Variants in RAPGEF6 observed in about 807,000 individuals in gnomAD.
RAPGEF6 encodes the protein Rap guanine nucleotide exchange factor 6.
RAPGEF6 carries 56 observed loss-of-function variants against 171.4 expected under a neutral mutation model. That is an observed-to-expected ratio of 0.33 (90% CI 0.26 to 0.41). The LOEUF is 0.41. Among genes scored for constraint, RAPGEF6 ranks in the 10% least tolerant of loss-of-function variants. RAPGEF6 has a pLI of 1.00. For synonymous variants in RAPGEF6, 692 were observed against 650.1 expected (o/e 1.06, Z -0.98); for missense variants, 1,674 against 1,921.4 (o/e 0.87, Z 2.41).
chr5:131,541,629 T>G (rs190149937), intron 6 of RAPGEF6, among the ~76,000 whole-genome samples: 1 of 152,088 alleles, frequency 6.6e-6, no homozygotes, highest in African/African-American at 2.4e-5. Flanking sequence ...AGTGCTAGAA[T>G]TAGGCATGAG....
chr5:131,444,346 CTCATTGA>C, intron 22 of RAPGEF6, among the ~76,000 whole-genome samples: 1 of 152,284 alleles, frequency 6.6e-6, no homozygotes, highest in East Asian at 1.9e-4. Flanking sequence ...TCATCCTTCT[CTCATTGA>C]TTGGTAAATG....
Position 131,567,908 on chromosome 5 carries a change from T to C in RAPGEF6, c.282-5861A>G, listed in dbSNP as rs184514650. 2.5e-4 allele frequency among the ~76,000 whole-genome samples: 38 copies of C among 152,360 alleles called. 1 individual carries two copies. The highest frequency in any genetic ancestry group is 2.4e-3 in the Admixed American group (37 of 15,296). On this transcript the variant is annotated intron_variant, in intron 4 of 27. Coordinates refer to ENST00000509018, the MANE Select transcript of RAPGEF6 (RefSeq NM_016340.6). ...AATATACAATAAAAATTGCTATGTA[T>C]TCCTAATGTATTAATCCTTTTAACA...
intron 15 of RAPGEF6, among the ~76,000 whole-genome samples, chr5:131,480,179 G>C (rs542579176): frequency 1.6e-4 from 25 of 152,256 alleles, no homozygotes; most frequent in African/African-American, 5.5e-4. Flanking sequence ...AACTATGTGG[G>C]TCCATTTATA....
intron 4 of RAPGEF6, among the ~76,000 whole-genome samples, chr5:131,588,706 G>A (rs1461656561): frequency 1.3e-5 from 2 of 152,004 alleles, no homozygotes; most frequent in East Asian, 3.9e-4. Flanking sequence ...CTGAGCCACC[G>A]CACTCCAGCC....
At chr5:131,469,828 A>T in intron 17 of RAPGEF6, 1 of 1,520,360 alleles carries the variant, frequency 6.6e-7, no homozygotes, top group Non-Finnish European at 8.8e-7. Flanking sequence ...GTATGCAGCA[A>T]AAATAAAGCA....
chr5:131,601,565 T>C (rs903266421), intron 3 of RAPGEF6, among the ~76,000 whole-genome samples: 2 of 152,124 alleles, frequency 1.3e-5, no homozygotes, highest in African/African-American at 4.8e-5. Context: ...TAAATGTCAT[T>C]CATCATCATT....
intron 4 of RAPGEF6, among the ~76,000 whole-genome samples, chr5:131,576,198 T>C (rs1307713542): frequency 6.6e-6 from 1 of 152,122 alleles, no homozygotes; most frequent in Admixed American, 6.6e-5. Flanking sequence ...CTGTTCCTAA[T>C]CCAGACTGCG....
intron 8 of RAPGEF6, 118 bp downstream of exon 8, chr5:131,510,196 A>G: frequency 8.9e-7 from 1 of 1,121,472 alleles, no homozygotes; most frequent in South Asian, 1.7e-5. Flanking sequence ...CAAAAACTCT[A>G]AGATAATGGC....
chr5:131,464,186 G>C lies in RAPGEF6; in HGVS notation c.2335C>G (p.His779Asp). The change falls in exon 18 of 28, where the codon CAT becomes GAT. Residue 779 changes from histidine to aspartate, a missense_variant. Around this residue, in one of 3 missense-constraint regions of RAPGEF6, gnomAD observed 1,116 missense variants for 1,321.5 expected, o/e 0.84. Coordinates refer to ENST00000509018, the MANE Select transcript of RAPGEF6 (RefSeq NM_016340.6). The stretch of plus-strand genomic sequence containing the variant: ...GTCAAACCAAATTCATGAACAGCAT[G>C]AAAAACTACTTCTTTAGCTGTGGTG... ...KDTTAKEVVF[H>D]AVHEFGLTGA... 6.2e-7 allele frequency: 1 copy of C among 1,613,914 alleles called. No individual in the cohort carries two copies. Among genetic ancestry groups the C allele is most frequent in the Non-Finnish European group, 8.5e-7 (1 of 1,179,860 alleles).
At chr5:131,486,099 A>G (rs1315190940) in intron 15 of RAPGEF6, among the ~76,000 whole-genome samples, 1 of 152,252 alleles carries the variant, frequency 6.6e-6, no homozygotes, top group Non-Finnish European at 1.5e-5. Context: ...GGTACAGCGC[A>G]CATCCACTTC....
At chr5:131,604,592 C>T (rs768668319) in intron 2 of RAPGEF6, 31 bp downstream of exon 2, 21 of 1,602,000 alleles carry the variant, frequency 1.3e-5, no homozygotes, top group Middle Eastern at 1.7e-4. Flanking sequence ...GGCTATACAG[C>T]GTGTGCTCTT....
intron 6 of RAPGEF6, 73 bp downstream of exon 6, chr5:131,547,974 A>C (rs1760660595): frequency 6.6e-7 from 1 of 1,504,756 alleles, no homozygotes; most frequent in South Asian, 1.2e-5. Context: ...ATATTACCAA[A>C]GATACATGTA....
chr5:131,497,105 C>T (rs1756688775), intron 12 of RAPGEF6, among the ~76,000 whole-genome samples: 1 of 152,126 alleles, frequency 6.6e-6, no homozygotes, highest in Admixed American at 6.5e-5. Context: ...GAGGTTATGA[C>T]TGCATATCTC....
At chr5:131,485,154 T>C (rs1405909750) in intron 15 of RAPGEF6, among the ~76,000 whole-genome samples, 1 of 152,112 alleles carries the variant, frequency 6.6e-6, no homozygotes, top group Non-Finnish European at 1.5e-5. Flanking sequence ...TTGGAACTCC[T>C]AGCCTCAAGT....
rs1387007088 is a variant in RAPGEF6, at chr5:131,504,718, G to A, written c.1162C>T (p.His388Tyr). 6.8e-6 allele frequency: 11 copies of A among 1,613,676 alleles called. No individual in the cohort carries two copies. The Admixed American group carries it at 1.8e-4, about 27-fold the overall frequency. ...RILNHVEKNT[H>Y]KVEEEGEIVM... Reference sequence around the variant, plus strand: ...ATTTCTCCCTCTTCCTCAACTTTATGGGTATTTTTTTCCACATGGTTTAAA... The same window carrying A: ...ATTTCTCCCTCTTCCTCAACTTTATAGGTATTTTTTTCCACATGGTTTAAA... Residue 388 changes from histidine (H) to tyrosine (Y), a missense_variant, in exon 11 of 28, where the codon CAT becomes TAT. Coordinates refer to ENST00000509018, the MANE Select transcript of RAPGEF6 (RefSeq NM_016340.6).
At chr5:131,474,624 T>C (rs1305795451) in intron 16 of RAPGEF6, among the ~76,000 whole-genome samples, 3 of 152,134 alleles carry the variant, frequency 2.0e-5, no homozygotes, top group East Asian at 1.9e-4. Context: ...AAAGGAGATA[T>C]CTCATTTGAT....
At chr5:131,626,650 A>G (rs1162823689) in intron 1 of RAPGEF6, among the ~76,000 whole-genome samples, 1 of 152,018 alleles carries the variant, frequency 6.6e-6, no homozygotes, top group Admixed American at 6.6e-5. Context: ...CATTTATTAC[A>G]TTTATGTTTT....
intron 1 of RAPGEF6, among the ~76,000 whole-genome samples, chr5:131,620,598 C>CTT (rs570553178): frequency 6.9e-6 from 1 of 145,114 alleles, no homozygotes; most frequent in Non-Finnish European, 1.5e-5. Flanking sequence ...TTTTTCTTTT[C>CTT]TTTTTTTTTT....
intron 13 of RAPGEF6, 97 bp from the exon 14 acceptor site, chr5:131,492,882 A>G: frequency 8.3e-7 from 1 of 1,203,938 alleles, no homozygotes; most frequent in Non-Finnish European, 1.2e-6. Flanking sequence ...TTATAAATAT[A>G]CATGTATAAG....
Sources: gnomAD v4.1 joint callset for allele counts (sites outside exome capture counted in the v4.1 genomes callset) on GRCh38, gnomAD v4.1.1 for gene constraint, gnomAD v4.1.1 regional missense constraint, MANE v1.5 for transcripts, NCBI Gene and HGNC (gene_info 2026-07-23, HGNC 2026-07-21) for gene names.